Variants in TMEM106B observed in about 807,000 individuals in gnomAD.
TMEM106B encodes transmembrane protein 106B.
Under a neutral mutation model 31.1 loss-of-function variants are expected in TMEM106B, and 15 were observed. The ratio of observed to expected loss-of-function variants is 0.48; its 90% CI spans 0.32 to 0.74. The LOEUF (loss-of-function observed/expected upper bound fraction) is 0.74, where lower values mean the gene tolerates loss of function less well. TMEM106B is among the 30% of genes least tolerant of loss of function. The pLI is 0.03. For synonymous variants in TMEM106B, 126 were observed against 112.5 expected, an observed-to-expected ratio of 1.12 and a Z score of -0.76; for missense variants, 283 against 327.3, an observed-to-expected ratio of 0.86 and a Z score of 1.04.
intron 1 of TMEM106B, among the ~76,000 whole-genome samples, chr7:12,213,728 T>C (rs1396103883): frequency 6.6e-6 from 1 of 152,210 alleles, no homozygotes; most frequent in African/African-American, 2.4e-5. Context: ...TTTCAGACAT[T>C]ATTTTGATTG....
rs775450196 is a variant in TMEM106B, at chr7:12,232,015, A to G, written c.*40A>G. On this transcript the variant is annotated 3_prime_UTR_variant, in exon 8 of 8. Coordinates refer to ENST00000396668, the MANE Select transcript of TMEM106B (RefSeq NM_001134232.2). ...GGATTTAAAGAAGAAATATCTATTG[A>G]TATTTCCTATACTCTCAATGAAGAG... The G allele has an allele frequency of 1.9e-6, 3 of 1,588,950 alleles. No individual in the cohort carries two copies. Among genetic ancestry groups the G allele is most frequent in the Admixed American group, 1.7e-5 (1 of 59,064 alleles).
Position 12,214,804 on chromosome 7 carries a change from T to A in TMEM106B, c.-2-5T>A, listed in dbSNP as rs367934643. 1 of 1,596,494 alleles carries A rather than the reference T, an allele frequency of 6.3e-7. No individual in the cohort carries two copies. Among genetic ancestry groups the A allele is most frequent in the African/African-American group, 1.4e-5 (1 of 74,040 alleles). On this transcript the variant is annotated splice_polypyrimidine_tract_variant and splice_region_variant and intron_variant, in intron 1 of 7. Transcript: ENST00000396668. ...GTTTACTGTAAGATTTTTATTTTTC[T>A]TTAGACATGGGAAAGTCTCTTTCTC...
chr7:12,221,316 CACA>C (rs1313004778), intron 3 of TMEM106B, among the ~76,000 whole-genome samples: 2 of 152,094 alleles, frequency 1.3e-5, no homozygotes, highest in Non-Finnish European at 2.9e-5. Flanking sequence ...CAAAGAGAAT[CACA>C]ACAAATTTTA....
chr7:12,228,842 G>A (rs12667950), intron 4 of TMEM106B, among the ~76,000 whole-genome samples: 3 of 151,760 alleles, frequency 2.0e-5, no homozygotes, highest in Admixed American at 2.0e-4. Context: ...TTAAATAAAC[G>A]TTTTCCTAAC....
rs1472642509 is a variant in TMEM106B at position 12,242,253 on chromosome 7, G to A, written c.*10278G>A. ...CCGGGCGCGGTGGCGGGCGCCTGTA[G>A]TCCCAGCTACTCGGGAGGCTGAGGC... On this transcript the variant is annotated 3_prime_UTR_variant, in exon 8 of 8. Transcript: ENST00000396668. 2 of 93,952 alleles carry A rather than the reference G, an allele frequency of 2.1e-5. No individual in the cohort carries two copies. Among genetic ancestry groups the A allele is most frequent in the African/African-American group, 6.2e-5 (1 of 16,142 alleles). 5.8% of individuals were successfully genotyped at this position (93,952 alleles called of 1,614,324 possible).
intron 2 of TMEM106B, chr7:12,215,610 G>C (rs1263958415): frequency 5.4e-6 from 2 of 371,288 alleles, no homozygotes; most frequent in South Asian, 4.4e-5. Flanking sequence ...TAAGGATGGA[G>C]TTTCCCCATG....
At position 12,228,502 on chromosome 7, in the gene TMEM106B, TTAATA is replaced by T. The variant is rs537219242; in HGVS notation, c.442-1172_442-1168del. Among the ~76,000 whole-genome samples the T allele has an allele frequency of 3.5e-3, 535 of 152,072 alleles. 3 individuals are homozygous for T. Among genetic ancestry groups the T allele is most frequent in the Non-Finnish European group, 5.8e-3 (391 of 67,828 alleles). On this transcript the variant is annotated intron_variant, in intron 4 of 7. Coordinates refer to ENST00000396668, the MANE Select transcript of TMEM106B (RefSeq NM_001134232.2). ...GCTTCATAATATTCCATATAAGGAC[TTAATA>T]TAATTTATTCTTTCTTTTTATGAAT... is the stretch of plus-strand genomic sequence containing the variant.
chr7:12,211,592 C>G (rs1781576475), intron 1 of TMEM106B, 167 bp downstream of exon 1: 1 of 152,442 alleles, frequency 6.6e-6, no homozygotes, highest in Non-Finnish European at 1.5e-5. Flanking sequence ...TGTGTCGCCT[C>G]TAATGAGGCC....
Position 12,223,725 on chromosome 7 carries a change from T to TG in TMEM106B, c.282-501_282-500insG, listed in dbSNP as rs1478922151. Among the ~76,000 whole-genome samples the TG allele has an allele frequency of 2.7e-5, 4 of 149,958 alleles. No homozygotes were observed. The East Asian group carries it at 7.8e-4, about 29-fold the overall frequency. The stretch of plus-strand genomic sequence containing the variant: ...TCAGTGTCCAAAAATGTGATTCCTT[T>TG]TTTTTTTTTTTTTGGTACAGAGTCT... On this transcript the variant is annotated intron_variant, in intron 3 of 7. Coordinates refer to ENST00000396668, the MANE Select transcript of TMEM106B (RefSeq NM_001134232.2).
Position 12,237,494 on chromosome 7 carries a change from A to G in TMEM106B, c.*5519A>G, listed in dbSNP as rs1316054999. The G allele has an allele frequency of 6.6e-6, 1 of 152,038 alleles. No individual in the cohort carries two copies. The highest frequency in any genetic ancestry group is 1.5e-5 in the Non-Finnish European group (1 of 68,014). 9.4% of individuals were successfully genotyped at this position (152,038 alleles called of 1,614,324 possible). Reference sequence around the variant, plus strand: ...TCTCATACGTGAAATTTCCCTTGATATTATAGACATACCTTGGATATATTG... The same window carrying G: ...TCTCATACGTGAAATTTCCCTTGATGTTATAGACATACCTTGGATATATTG... On this transcript the variant is annotated 3_prime_UTR_variant, in exon 8 of 8. Transcript: ENST00000396668.
At chr7:12,229,021 C>G (rs1033643430) in intron 4 of TMEM106B, among the ~76,000 whole-genome samples, 7 of 151,950 alleles carry the variant, frequency 4.6e-5, no homozygotes, top group African/African-American at 7.2e-5. Context: ...CCGATGCTTA[C>G]AAATATTTCT....
Position 12,214,798 on chromosome 7 carries a change from T to C in TMEM106B, c.-2-11T>C, listed in dbSNP as rs772810608. ...CCTGAAGTTTACTGTAAGATTTTTA[T>C]TTTTCTTTAGACATGGGAAAGTCTC... On this transcript the variant is annotated splice_polypyrimidine_tract_variant and intron_variant, in intron 1 of 7. Coordinates refer to ENST00000396668, the MANE Select transcript of TMEM106B (RefSeq NM_001134232.2). 1 of 1,586,568 alleles carries C rather than the reference T, an allele frequency of 6.3e-7. No homozygotes were observed. Among genetic ancestry groups the C allele is most frequent in the Non-Finnish European group, 8.6e-7 (1 of 1,167,058 alleles).
rs1782072457 is a variant in TMEM106B at position 12,233,619 on chromosome 7, C to G, written c.*1644C>G. 6.6e-6 allele frequency: 1 copy of G among 150,406 alleles called. No individual in the cohort carries two copies. The highest frequency in any genetic ancestry group is 2.4e-5 in the African/African-American group (1 of 41,032). The allele number at this position is 150,406 out of a possible 1,614,324, so 9.3% of individuals were successfully genotyped here. On this transcript the variant is annotated 3_prime_UTR_variant, in exon 8 of 8. Coordinates refer to ENST00000396668, the MANE Select transcript of TMEM106B (RefSeq NM_001134232.2). ...CCCTTAATTCATTGCTAACTCAAGC[C>G]ATCCTTACTATTAAACCCAAATCAG...
intron 3 of TMEM106B, 27 bp downstream of exon 3, chr7:12,218,548 G>A (rs750071760): frequency 6.4e-7 from 1 of 1,564,236 alleles, no homozygotes. Context: ...ATATGGCAGT[G>A]TTTTATGTTT....
intron 5 of TMEM106B, 62 bp from the exon 6 acceptor site, chr7:12,230,327 A>G (rs961245130): frequency 1.7e-6 from 2 of 1,153,488 alleles, no homozygotes; most frequent in South Asian, 1.3e-5. Context: ...GTTATGAAGT[A>G]TATCTGAAAT....
chr7:12,211,424 C>T lies in TMEM106B; in HGVS notation c.-4C>T, dbSNP rs1781571051. The T allele has an allele frequency of 6.6e-6, 1 of 152,416 alleles. No homozygotes were observed. The highest frequency in any genetic ancestry group is 2.4e-5 in the African/African-American group (1 of 41,472). The allele number at this position is 152,416 out of a possible 1,614,324, so 9.4% of individuals were successfully genotyped here. A position where few individuals can be genotyped will look rare whatever the true frequency, so the allele number is the denominator to read the frequency against. Reference sequence around the variant, plus strand: ...CGGGACTGCGCAGCGCCCCGCGTGCCGGTGAGCGACCCCGGACGTGCAGTC... The same window carrying T: ...CGGGACTGCGCAGCGCCCCGCGTGCTGGTGAGCGACCCCGGACGTGCAGTC... On this transcript the variant is annotated splice_region_variant and 5_prime_UTR_variant, in exon 1 of 8. Transcript: ENST00000396668.
intron 4 of TMEM106B, among the ~76,000 whole-genome samples, chr7:12,226,784 A>G (rs985778359): frequency 1.3e-5 from 2 of 152,164 alleles, no homozygotes; most frequent in Non-Finnish European, 2.9e-5. Context: ...ACAACAATAT[A>G]GGAAAATATA....
rs992876665 is a variant in TMEM106B at position 12,242,599 on chromosome 7, G to A, written c.*10624G>A. 1 of 151,986 alleles carries A rather than the reference G, an allele frequency of 6.6e-6. No homozygotes were observed. Among genetic ancestry groups the A allele is most frequent in the African/African-American group, 2.4e-5 (1 of 41,388 alleles). The allele number at this position is 151,986 out of a possible 1,614,324, so 9.4% of individuals were successfully genotyped here. Reference sequence around the variant, plus strand: ...CTGAAATATAAACTTTTATGCATCTGATATTATCTAATTGTGTCCTTACTG... The same window carrying A: ...CTGAAATATAAACTTTTATGCATCTAATATTATCTAATTGTGTCCTTACTG... On this transcript the variant is annotated 3_prime_UTR_variant, in exon 8 of 8. Transcript: ENST00000396668.
chr7:12,234,786 C>A lies in TMEM106B; in HGVS notation c.*2811C>A, dbSNP rs1782096758. ...CTCTGTATGTTGATAGCACATTGGC[C>A]CTTTTTAGAGTTCTTTCCTATGTTT... On this transcript the variant is annotated 3_prime_UTR_variant, in exon 8 of 8. Transcript: ENST00000396668. 1 of 108,488 alleles carries A rather than the reference C, an allele frequency of 9.2e-6. No individual in the cohort carries two copies. Among genetic ancestry groups the A allele is most frequent in the Non-Finnish European group, 1.8e-5 (1 of 55,486 alleles). The allele number at this position is 108,488 out of a possible 1,614,324, so 6.7% of individuals were successfully genotyped here. A position where few individuals can be genotyped will look rare whatever the true frequency, so the allele number is the denominator to read the frequency against.
Sources: gnomAD v4.1 joint callset for allele counts (sites outside exome capture counted in the v4.1 genomes callset) on GRCh38, gnomAD v4.1.1 for gene constraint, MANE v1.5 for transcripts, NCBI Gene and HGNC (gene_info 2026-07-23, HGNC 2026-07-21) for gene names.